Variants in ROBO2 observed in about 807,000 individuals in gnomAD.
ROBO2 encodes roundabout homolog 2.
Under a neutral mutation model 160.8 loss-of-function variants are expected in ROBO2, and 53 were observed. That is an observed-to-expected ratio of 0.33 (90% CI 0.26 to 0.41). The LOEUF (loss-of-function observed/expected upper bound fraction) is 0.41. Ranked by LOEUF, ROBO2 falls within the 10% of genes least tolerant of loss-of-function variation. The pLI, the probability that ROBO2 is intolerant of heterozygous loss-of-function variation, is 1.00. For synonymous variants in ROBO2, 664 were observed against 611.7 expected (o/e 1.09, Z -1.26); for missense variants, 1,577 against 1,722.4 (o/e 0.92, Z 1.49).
At chr3:76,338,668 A>G (rs2074035283) in intron 2 of ROBO2, among the ~76,000 whole-genome samples, 1 of 151,660 alleles carries the variant, frequency 6.6e-6, no homozygotes, top group African/African-American at 2.4e-5. Flanking sequence ...TGACAGAGCA[A>G]GATCATGCTT....
intron 2 of ROBO2, among the ~76,000 whole-genome samples, chr3:76,215,382 G>GA: frequency 6.6e-6 from 1 of 152,066 alleles, no homozygotes; most frequent in Non-Finnish European, 1.5e-5. Flanking sequence ...GAGGAAGTTC[G>GA]AACCATGGCA....
At chr3:77,131,658 G>A (rs1347714598) in intron 2 of ROBO2, among the ~76,000 whole-genome samples, 3 of 151,930 alleles carry the variant, frequency 2.0e-5, no homozygotes, top group Non-Finnish European at 4.4e-5. Flanking sequence ...ACTCAATGAG[G>A]GAAGGAACTA....
In ROBO2 at chr3:76,053,711, G is replaced by A. The variant is rs143940294; in HGVS notation, c.109+116109G>A. Among the ~76,000 whole-genome samples, 13 of 152,076 alleles carry A rather than the reference G, an allele frequency of 8.5e-5. No homozygotes were observed. In the East Asian group the frequency reaches 2.1e-3, roughly 25 times the overall value. On this transcript the variant is annotated intron_variant, in intron 2 of 26. Transcript: ENST00000487694. ...ATTTACCATACATTAAGATAAATGG[G>A]TTCATTAACTTCTTCCACCCATCTT... is the stretch of plus-strand genomic sequence containing the variant.
At chr3:76,622,609 A>G (rs2089303483) in intron 2 of ROBO2, among the ~76,000 whole-genome samples, 1 of 152,096 alleles carries the variant, frequency 6.6e-6, no homozygotes, top group African/African-American at 2.4e-5. Context: ...CCTGGTCCAA[A>G]TCTGTCTTTC....
At chr3:77,246,599 A>G (rs2089759414) in intron 2 of ROBO2, among the ~76,000 whole-genome samples, 14 of 152,180 alleles carry the variant, frequency 9.2e-5, no homozygotes, top group Admixed American at 9.2e-4. Context: ...AACGTGCTCT[A>G]CACTTCAGCA....
intron 2 of ROBO2, among the ~76,000 whole-genome samples, chr3:77,180,857 T>A (rs2095199740): frequency 6.6e-6 from 1 of 152,018 alleles, no homozygotes; most frequent in Admixed American, 6.6e-5. Context: ...ACCCATAATA[T>A]CTACCCATAA....
intron 2 of ROBO2, among the ~76,000 whole-genome samples, chr3:76,042,397 A>G (rs2067301105): frequency 6.6e-6 from 1 of 152,048 alleles, no homozygotes; most frequent in South Asian, 2.1e-4. Context: ...CTGTGCTATC[A>G]TTGAAAATGT....
intron 2 of ROBO2, among the ~76,000 whole-genome samples, chr3:76,189,698 A>G (rs1223085392): frequency 6.6e-6 from 1 of 152,138 alleles, no homozygotes; most frequent in Non-Finnish European, 1.5e-5. Context: ...GCAAGAGGTG[A>G]AAAGTTATTT....
intron 1 of ROBO2, among the ~76,000 whole-genome samples, chr3:77,082,823 G>A (rs1334800607): frequency 2.1e-5 from 3 of 145,528 alleles, no homozygotes; most frequent in Non-Finnish European, 4.5e-5. Flanking sequence ...TTTTTTTTTT[G>A]GCTAATCTCA....
intron 2 of ROBO2, among the ~76,000 whole-genome samples, chr3:76,817,766 T>G (rs966878580): frequency 6.6e-6 from 1 of 152,036 alleles, no homozygotes; most frequent in East Asian, 1.9e-4. Flanking sequence ...CATTCCCGAG[T>G]TACTTCACTT....
chr3:76,952,501 C>G (rs1415156951), intron 2 of ROBO2, among the ~76,000 whole-genome samples: 1 of 152,066 alleles, frequency 6.6e-6, no homozygotes, highest in Non-Finnish European at 1.5e-5. Context: ...CCAGGATGGT[C>G]TTGATCTCTT....
intron 2 of ROBO2, among the ~76,000 whole-genome samples, chr3:76,459,132 C>A (rs372455586): frequency 6.6e-6 from 1 of 152,098 alleles, no homozygotes; most frequent in Non-Finnish European, 1.5e-5. Flanking sequence ...CACTCCGCTT[C>A]GTTTGTTTGT....
At chr3:77,554,708 G>T (rs527581334) in intron 8 of ROBO2, among the ~76,000 whole-genome samples, 3 of 152,016 alleles carry the variant, frequency 2.0e-5, no homozygotes, top group Admixed American at 6.6e-5. Context: ...GTGACTAAAT[G>T]GCTACAGTCA....
chr3:76,043,942 T>C (rs1355791057), intron 2 of ROBO2, among the ~76,000 whole-genome samples: 1 of 152,018 alleles, frequency 6.6e-6, no homozygotes, highest in East Asian at 1.9e-4. Flanking sequence ...TATTGTTTTG[T>C]AAAGTTACAT....
At chr3:77,429,013 C>T (rs1281337428) in intron 2 of ROBO2, among the ~76,000 whole-genome samples, 1 of 152,192 alleles carries the variant, frequency 6.6e-6, no homozygotes, top group Non-Finnish European at 1.5e-5. Flanking sequence ...GTTAGTGCTA[C>T]TCTAAAGTTA....
At chr3:76,789,516 C>T (rs1460342214) in intron 2 of ROBO2, among the ~76,000 whole-genome samples, 1 of 151,548 alleles carries the variant, frequency 6.6e-6, no homozygotes, top group Non-Finnish European at 1.5e-5. Context: ...GATTGCCTTC[C>T]TTAACCTTCA....
At chr3:76,035,846 C>T (rs2067088470) in intron 2 of ROBO2, among the ~76,000 whole-genome samples, 3 of 152,052 alleles carry the variant, frequency 2.0e-5, no homozygotes, top group South Asian at 2.1e-4. Flanking sequence ...CCAAGGGCCA[C>T]GGTGTTGGCA....
chr3:76,942,017 A>C (rs2078219842), intron 2 of ROBO2, among the ~76,000 whole-genome samples: 2 of 152,210 alleles, frequency 1.3e-5, no homozygotes, highest in African/African-American at 4.8e-5. Flanking sequence ...TGACTTACCT[A>C]TAATAAATGT....
At chr3:76,590,116 G>A (rs1024689520) in intron 2 of ROBO2, among the ~76,000 whole-genome samples, 7 of 151,802 alleles carry the variant, frequency 4.6e-5, no homozygotes, top group African/African-American at 1.5e-4. Context: ...TTATATATAC[G>A]GCAATTTTTA....
Sources: allele counts gnomAD v4.1 joint callset (sites outside exome capture counted in the v4.1 genomes callset), GRCh38; gene constraint gnomAD v4.1.1; transcripts MANE v1.5; gene names NCBI Gene and HGNC (gene_info 2026-07-23, HGNC 2026-07-21).